ZNF804B: variants seen among roughly 807,000 people sequenced by gnomAD.
The protein encoded by ZNF804B is zinc finger 804B.
A neutral mutation model predicts 101.4 loss-of-function variants in ZNF804B; 80 were observed. The observed-to-expected ratio is 0.79, with a 90% confidence interval of 0.66 to 0.95. The LOEUF is 0.95. Among genes scored for constraint, ZNF804B ranks in the 40% least tolerant of loss-of-function variants. ZNF804B has a pLI of 0.00. For missense variants in ZNF804B, 1,673 were observed against 1,561.9 expected, an observed-to-expected ratio of 1.07 and a Z score of -1.20; for synonymous variants, 622 against 558.8, an observed-to-expected ratio of 1.11 and a Z score of -1.59.
At chr7:88,852,744 T>C (rs1791466080) in intron 1 of ZNF804B, among the ~76,000 whole-genome samples, 1 of 152,158 alleles carries the variant, frequency 6.6e-6, no homozygotes, top group Admixed American at 6.5e-5. Flanking sequence ...CATTTTATTT[T>C]TGCAGGTGAG....
chr7:89,102,549 G>A (rs1790071350), intron 1 of ZNF804B, among the ~76,000 whole-genome samples: 1 of 151,630 alleles, frequency 6.6e-6, no homozygotes, highest in African/African-American at 2.4e-5. Context: ...TGCATCTTGA[G>A]TTGTTTTGGG....
At chr7:89,100,434 A>G (rs1262081387) in intron 1 of ZNF804B, among the ~76,000 whole-genome samples, 1 of 152,148 alleles carries the variant, frequency 6.6e-6, no homozygotes, top group Non-Finnish European at 1.5e-5. Flanking sequence ...CCCCAAAAAC[A>G]CAGGCAGCCA....
rs774644758 is a variant in ZNF804B at position 89,335,863 on chromosome 7, G to GTC, written c.2882_2883dup (p.Pro962SerfsTer57). 1.2e-6 allele frequency: 2 copies of GTC among 1,614,086 alleles called. No homozygotes were observed. Among genetic ancestry groups the GTC allele is most frequent in the Non-Finnish European group, 1.7e-6 (2 of 1,179,982 alleles). On this transcript the variant is annotated frameshift_variant, in exon 4 of 4. Coordinates refer to ENST00000333190, the MANE Select transcript of ZNF804B (RefSeq NM_181646.5). LOFTEE classifies it high-confidence loss of function. ...AAGTGAATTAGAGGCTCCTTCGCAAGTCCCATGCACAATTCAACTTGCACC... is the reference window on the plus strand; with the variant it reads ...AAGTGAATTAGAGGCTCCTTCGCAAGTCTCCCATGCACAATTCAACTTGCACC...
At chr7:88,771,212 T>C (rs1281977673) in intron 1 of ZNF804B, among the ~76,000 whole-genome samples, 1 of 152,154 alleles carries the variant, frequency 6.6e-6, no homozygotes, top group African/African-American at 2.4e-5. Flanking sequence ...CTTACAGATT[T>C]GTGAATTCCT....
intron 1 of ZNF804B, among the ~76,000 whole-genome samples, chr7:88,855,788 G>A (rs1583978754): frequency 6.6e-6 from 1 of 152,122 alleles, no homozygotes; most frequent in African/African-American, 2.4e-5. Context: ...TGTATAAGGT[G>A]CAAGGAAGGG....
intron 1 of ZNF804B, among the ~76,000 whole-genome samples, chr7:89,006,468 G>A (rs1369694168): frequency 6.6e-6 from 1 of 152,034 alleles, no homozygotes; most frequent in Non-Finnish European, 1.5e-5. Context: ...TTTATATCAT[G>A]CATTGTGAAG....
chr7:89,081,789 T>C (rs1583975541), intron 1 of ZNF804B, among the ~76,000 whole-genome samples: 2 of 151,948 alleles, frequency 1.3e-5, no homozygotes, highest in East Asian at 1.9e-4. Context: ...TTGGGTGTTA[T>C]AGATCATGTT....
chr7:89,238,072 G>A (rs1335850412), intron 2 of ZNF804B, among the ~76,000 whole-genome samples: 1 of 152,122 alleles, frequency 6.6e-6, no homozygotes, highest in Non-Finnish European at 1.5e-5. Context: ...AATGAATGCA[G>A]GTAAGGAGAG....
chr7:88,854,402 T>TTCCTTCCTTCCTTCCTTC (rs1791499686), intron 1 of ZNF804B, among the ~76,000 whole-genome samples: 1 of 130,292 alleles, frequency 7.7e-6, no homozygotes, highest in African/African-American at 3.1e-5. Flanking sequence ...TTTCTTTCTT[T>TTCCTTCCTTCCTTCCTTC]CTTTCTTTCT....
At chr7:88,796,901 A>G (rs1223753509) in intron 1 of ZNF804B, among the ~76,000 whole-genome samples, 1 of 152,124 alleles carries the variant, frequency 6.6e-6, no homozygotes, top group African/African-American at 2.4e-5. Context: ...AGGTAGACAC[A>G]ACTAGTTAAT....
chr7:89,129,201 C>T (rs1206563200), intron 1 of ZNF804B, among the ~76,000 whole-genome samples: 6 of 151,994 alleles, frequency 3.9e-5, no homozygotes, highest in African/African-American at 1.4e-4. Flanking sequence ...GCCCCCTCCT[C>T]CATGAATGGA....
At chr7:88,763,002 T>C (rs886074704) in intron 1 of ZNF804B, among the ~76,000 whole-genome samples, 1 of 152,186 alleles carries the variant, frequency 6.6e-6, no homozygotes, top group Non-Finnish European at 1.5e-5. Flanking sequence ...CTACCTCTGC[T>C]ACAGAAAGGA....
chr7:88,763,436 C>G (rs1789928058), intron 1 of ZNF804B, among the ~76,000 whole-genome samples: 1 of 151,988 alleles, frequency 6.6e-6, no homozygotes, highest in South Asian at 2.1e-4. Flanking sequence ...TCTATTGCAT[C>G]TTTCTTCTTT....
chr7:88,844,831 A>C (rs779462409), intron 1 of ZNF804B, among the ~76,000 whole-genome samples: 13 of 152,138 alleles, frequency 8.5e-5, no homozygotes, highest in Non-Finnish European at 1.6e-4. Context: ...TTAACACATA[A>C]TTTTGAGATT....
chr7:89,282,249 C>T (rs990812114), intron 2 of ZNF804B, among the ~76,000 whole-genome samples: 8 of 148,242 alleles, frequency 5.4e-5, no homozygotes, highest in Non-Finnish European at 1.2e-4. Flanking sequence ...AAGCACAAAT[C>T]TGGTTACTGC....
chr7:89,046,168 G>GT (rs34748599), intron 1 of ZNF804B, among the ~76,000 whole-genome samples: 13,357 of 151,482 alleles, frequency 0.088, 922 homozygotes, highest in African/African-American at 0.18. Flanking sequence ...GAAGAAGGGT[G>GT]TTTTTTTTCC....
chr7:88,917,595 A>G (rs768907400), intron 1 of ZNF804B, among the ~76,000 whole-genome samples: 7 of 152,194 alleles, frequency 4.6e-5, no homozygotes, highest in Non-Finnish European at 1.0e-4. Flanking sequence ...AGAGGCATCC[A>G]TTATATGGCC....
intron 1 of ZNF804B, among the ~76,000 whole-genome samples, chr7:88,983,301 T>C (rs1793717723): frequency 6.6e-6 from 1 of 152,110 alleles, no homozygotes; most frequent in African/African-American, 2.4e-5. Flanking sequence ...TGTTATAGAC[T>C]AGTGGTTCCT....
At chr7:89,228,151 G>A (rs1171896983) in intron 2 of ZNF804B, among the ~76,000 whole-genome samples, 1 of 152,116 alleles carries the variant, frequency 6.6e-6, no homozygotes, top group African/African-American at 2.4e-5. Context: ...CTTCCTTCTG[G>A]TGGGTACGTG....
Sources: gnomAD v4.1 joint callset for allele counts (sites outside exome capture counted in the v4.1 genomes callset) on GRCh38, gnomAD v4.1.1 for gene constraint, MANE v1.5 for transcripts, NCBI Gene and HGNC (gene_info 2026-07-23, HGNC 2026-07-21) for gene names.